MOB3B: variants seen among roughly 807,000 people sequenced by gnomAD.
MOB3B encodes MOB kinase activator 3B, also known as MOB kinase activator-like 2B.
MOB3B carries 7 observed loss-of-function variants against 18.7 expected under a neutral mutation model. That is an observed-to-expected ratio of 0.37 (90% CI 0.21 to 0.70). The LOEUF is 0.70. MOB3B is among the 30% of genes least tolerant of loss of function. The pLI is 0.52. For synonymous variants in MOB3B, 111 were observed against 99.9 expected, an observed-to-expected ratio of 1.11 and a Z score of -0.66; for missense variants, 253 against 281.3, an observed-to-expected ratio of 0.90 and a Z score of 0.72.
At chr9:27,399,783 C>T (rs1821850968) in intron 2 of MOB3B, among the ~76,000 whole-genome samples, 1 of 152,170 alleles carries the variant, frequency 6.6e-6, no homozygotes, top group South Asian at 2.1e-4. Context: ...AATGTATTAG[C>T]ATCTCAAATT....
intron 3 of MOB3B, among the ~76,000 whole-genome samples, chr9:27,340,857 T>G (rs1393392082): frequency 6.6e-6 from 1 of 152,220 alleles, no homozygotes; most frequent in Non-Finnish European, 1.5e-5. Flanking sequence ...GTCTGCACAG[T>G]TGGCAGGAGT....
intron 2 of MOB3B, among the ~76,000 whole-genome samples, chr9:27,426,243 A>G (rs1055572040): frequency 6.6e-6 from 1 of 152,218 alleles, no homozygotes; most frequent in Non-Finnish European, 1.5e-5. Context: ...TTAACTTGGT[A>G]TAAATAAAGT....
chr9:27,487,254 C>T (rs1039972828), intron 1 of MOB3B, among the ~76,000 whole-genome samples: 2 of 152,112 alleles, frequency 1.3e-5, no homozygotes, highest in Non-Finnish European at 2.9e-5. Flanking sequence ...AGCAAACAGC[C>T]TAGGAAACTA....
intron 3 of MOB3B, among the ~76,000 whole-genome samples, chr9:27,333,157 C>T (rs10812569): frequency 0.22 from 33,464 of 151,904 alleles, 3,906 homozygotes; most frequent in East Asian, 0.29. Flanking sequence ...GGACAGGGTA[C>T]TTATTCAAGG....
At chr9:27,435,094 C>T (rs1158692444) in intron 2 of MOB3B, among the ~76,000 whole-genome samples, 2 of 150,692 alleles carry the variant, frequency 1.3e-5, no homozygotes, top group East Asian at 3.9e-4. Flanking sequence ...TTTCTCTCCC[C>T]ACCAGGGAGA....
chr9:27,520,541 G>T (rs1456160016), intron 1 of MOB3B, among the ~76,000 whole-genome samples: 2 of 152,186 alleles, frequency 1.3e-5, no homozygotes, highest in African/African-American at 4.8e-5. Context: ...TTACAGAACA[G>T]AGGTATGACC....
chr9:27,400,528 A>G (rs76212440), intron 2 of MOB3B, among the ~76,000 whole-genome samples: 4,899 of 152,296 alleles, frequency 0.032, 110 homozygotes, highest in Non-Finnish European at 0.048. Flanking sequence ...AGCCTTCCCT[A>G]ATGTCCTCAG....
At chr9:27,493,249 G>A (rs367721675) in intron 1 of MOB3B, among the ~76,000 whole-genome samples, 14 of 152,274 alleles carry the variant, frequency 9.2e-5, no homozygotes, top group South Asian at 2.1e-4. Context: ...ACAGAAGAAC[G>A]TGGATTGTGA....
intron 2 of MOB3B, among the ~76,000 whole-genome samples, chr9:27,412,037 C>T (rs577884257): frequency 3.4e-4 from 52 of 152,120 alleles, no homozygotes; most frequent in African/African-American, 1.2e-3. Flanking sequence ...TGTTAATTAA[C>T]CCTGAACCAT....
intron 2 of MOB3B, among the ~76,000 whole-genome samples, chr9:27,424,976 G>C (rs1274157335): frequency 6.6e-6 from 1 of 152,140 alleles, no homozygotes; most frequent in African/African-American, 2.4e-5. Flanking sequence ...AAATATGCCT[G>C]TAATCTTAGA....
chr9:27,434,061 T>C (rs915559752), intron 2 of MOB3B, among the ~76,000 whole-genome samples: 3 of 152,194 alleles, frequency 2.0e-5, no homozygotes, highest in Non-Finnish European at 4.4e-5. Flanking sequence ...TGAAGATGCA[T>C]GGTAGCCTCA....
chr9:27,399,230 TG>T (rs1821841786), intron 2 of MOB3B, among the ~76,000 whole-genome samples: 1 of 152,270 alleles, frequency 6.6e-6, no homozygotes, highest in Middle Eastern at 3.4e-3. Flanking sequence ...AAGAGGCAGG[TG>T]CCTTATCCCA....
At chr9:27,389,475 C>T (rs952589140) in intron 2 of MOB3B, among the ~76,000 whole-genome samples, 2 of 147,532 alleles carry the variant, frequency 1.4e-5, no homozygotes, top group Admixed American at 6.8e-5. Flanking sequence ...TCTCACTGCT[C>T]GGACACTTTT....
intron 2 of MOB3B, among the ~76,000 whole-genome samples, chr9:27,373,448 A>G (rs1229395455): frequency 6.6e-6 from 1 of 152,228 alleles, no homozygotes; most frequent in African/African-American, 2.4e-5. Context: ...TAAGCGAAAG[A>G]GTTAAATTGA....
chr9:27,524,438 C>T (rs747160794), intron 1 of MOB3B: 12 of 1,613,962 alleles, frequency 7.4e-6, no homozygotes, highest in African/African-American at 4.0e-5. Context: ...ACTTACTGAA[C>T]GTTCACCTGA....
In MOB3B at chr9:27,476,346, G is replaced by A. The variant is rs1212862129; in HGVS notation, c.-198-20598C>T. 3.3e-5 allele frequency among the ~76,000 whole-genome samples: 5 copies of A among 152,286 alleles called. No homozygotes were observed. In the East Asian group the frequency reaches 5.8e-4, roughly 18 times the overall value. On this transcript the variant is annotated intron_variant, in intron 1 of 3. Coordinates refer to ENST00000262244, the MANE Select transcript of MOB3B (RefSeq NM_024761.5). ...AGGGAGAAATCTGTTTCATGTTTCC[G>A]TCTTTGTTTCTGGTGGGGTTTTTTG... is the stretch of plus-strand genomic sequence containing the variant.
chr9:27,460,783 G>A (rs1378168373), intron 1 of MOB3B, among the ~76,000 whole-genome samples: 3 of 152,216 alleles, frequency 2.0e-5, no homozygotes, highest in African/African-American at 7.2e-5. Context: ...CCCGCATGAA[G>A]GAGGTTTAGT....
intron 1 of MOB3B, among the ~76,000 whole-genome samples, chr9:27,518,962 A>C (rs700796): frequency 0.99 from 150,874 of 152,300 alleles, 74,743 homozygotes; most frequent in East Asian, 1. Flanking sequence ...ATCAACCAAG[A>C]AATACAAAAC....
intron 2 of MOB3B, among the ~76,000 whole-genome samples, chr9:27,453,161 T>C (rs980201671): frequency 6.6e-6 from 1 of 152,180 alleles, no homozygotes; most frequent in African/African-American, 2.4e-5. Context: ...TAATGGTCTT[T>C]CATTAATTTA....
Sources: gnomAD v4.1 joint callset for allele counts (sites outside exome capture counted in the v4.1 genomes callset) on GRCh38, gnomAD v4.1.1 for gene constraint, MANE v1.5 for transcripts, NCBI Gene and HGNC (gene_info 2026-07-23, HGNC 2026-07-21) for gene names.